The following ZNF804A variants were observed in gnomAD, a reference collection of about 807,000 sequenced individuals.
ZNF804A encodes the protein zinc finger protein 804A.
ZNF804A carries 2 observed loss-of-function variants against 16.5 expected under a neutral mutation model. The ratio of observed to expected loss-of-function variants is 0.12; its 90% confidence interval spans 0.05 to 0.38. The LOEUF (loss-of-function observed/expected upper bound fraction) is 0.38, where lower values mean the gene tolerates loss of function less well. Ranked by LOEUF, ZNF804A falls within the 10% of genes least tolerant of loss-of-function variation. ZNF804A has a pLI of 0.99. For missense variants in ZNF804A, 1,473 were observed against 1,390.7 expected, an observed-to-expected ratio of 1.06 and a Z score of -0.94; for synonymous variants, 534 against 489.6, an observed-to-expected ratio of 1.09 and a Z score of -1.20.
chr2:184,844,638 C>G (rs1315297451), intron 1 of ZNF804A, among the ~76,000 whole-genome samples: 1 of 150,538 alleles, frequency 6.6e-6, no homozygotes, highest in Non-Finnish European at 1.5e-5. Context: ...AAATTCAAGA[C>G]TTTTCTCTTG....
chr2:184,598,831 C>G lies in ZNF804A; in HGVS notation c.-129C>G, dbSNP rs1690995602. 2 of 490,212 alleles carry G rather than the reference C, an allele frequency of 4.1e-6. No homozygotes were observed. Among genetic ancestry groups the G allele is most frequent in the Non-Finnish European group, 6.9e-6 (2 of 289,456 alleles). 30.4% of individuals were successfully genotyped at this position (490,212 alleles called of 1,614,324 possible). ...GTGCAGTGAGCCAGTCTCCAGAGGA[C>G]GTGCCGGGGGTGGCTGCGTGCCCTC... On this transcript the variant is annotated 5_prime_UTR_variant, in exon 1 of 4. Coordinates refer to ENST00000302277, the MANE Select transcript of ZNF804A (RefSeq NM_194250.2).
At chr2:184,815,484 ATAG>A (rs548226082) in intron 1 of ZNF804A, among the ~76,000 whole-genome samples, 86 of 151,964 alleles carry the variant, frequency 5.7e-4, no homozygotes, top group Non-Finnish European at 1.1e-3. Context: ...TTATAATAAA[ATAG>A]TAGTAAAATA....
chr2:184,629,741 T>C (rs1691574345), intron 1 of ZNF804A, among the ~76,000 whole-genome samples: 1 of 152,178 alleles, frequency 6.6e-6, no homozygotes, highest in African/African-American at 2.4e-5. Context: ...CAAATAACTG[T>C]ACTGAATATT....
intron 2 of ZNF804A, among the ~76,000 whole-genome samples, chr2:184,887,347 G>A (rs527930820): frequency 6.6e-6 from 1 of 152,320 alleles, no homozygotes; most frequent in East Asian, 1.9e-4. Flanking sequence ...CAAGCCTCAA[G>A]GAAGTTCCAA....
intron 1 of ZNF804A, among the ~76,000 whole-genome samples, chr2:184,702,888 C>A (rs1692944667): frequency 6.6e-6 from 1 of 152,020 alleles, no homozygotes; most frequent in African/African-American, 2.4e-5. Flanking sequence ...TAAGTAATGG[C>A]AGTTTTGTTC....
At chr2:184,822,633 AT>A (rs1045932776) in intron 1 of ZNF804A, among the ~76,000 whole-genome samples, 1 of 151,964 alleles carries the variant, frequency 6.6e-6, no homozygotes, top group African/African-American at 2.4e-5. Flanking sequence ...TTTTGAGCAG[AT>A]TTTTTTTGAG....
chr2:184,781,499 C>A (rs1173398802), intron 1 of ZNF804A, among the ~76,000 whole-genome samples: 5 of 151,672 alleles, frequency 3.3e-5, no homozygotes. Flanking sequence ...TTGATAATAA[C>A]ACAATGGTTT....
chr2:184,599,765 A>G (rs928729897), intron 1 of ZNF804A, among the ~76,000 whole-genome samples: 1 of 152,242 alleles, frequency 6.6e-6, no homozygotes, highest in African/African-American at 2.4e-5. Context: ...ACTGGATCAC[A>G]GAGCTTCATT....
intron 1 of ZNF804A, among the ~76,000 whole-genome samples, chr2:184,789,391 T>C (rs1694497819): frequency 6.6e-6 from 1 of 152,152 alleles, no homozygotes; most frequent in Non-Finnish European, 1.5e-5. Context: ...TTTTTCGGAA[T>C]AGTTTCAGTA....
chr2:184,845,987 A>G (rs1695508539), intron 1 of ZNF804A, among the ~76,000 whole-genome samples: 1 of 152,104 alleles, frequency 6.6e-6, no homozygotes, highest in East Asian at 1.9e-4. Context: ...GGATTTTAAG[A>G]TGGTATTTTA....
rs547216326 is a variant in ZNF804A, at chr2:184,938,968, T to G, written c.3572T>G (p.Leu1191Arg). Residue 1191 changes from leucine to arginine, a missense_variant, in exon 4 of 4, where the codon CTC becomes CGC. Leu to Arg is a moderately radical substitution (Grantham distance 102). Transcript: ENST00000302277. ...GCTTTCCCATCTTTACCCCATGCAC[T>G]CTTTCCTTCACTGCTTTCCCCACAC... Reference protein sequence around the residue: ...HLAFPSLPHALFPSLLSPHPT... With the variant: ...HLAFPSLPHARFPSLLSPHPT... 3 of 1,613,848 alleles carry G rather than the reference T, an allele frequency of 1.9e-6. No homozygotes were observed. In the South Asian group the frequency reaches 3.3e-5, roughly 18 times the overall value.
At chr2:184,677,043 C>T (rs1692448213) in intron 1 of ZNF804A, among the ~76,000 whole-genome samples, 2 of 151,202 alleles carry the variant, frequency 1.3e-5, no homozygotes, top group South Asian at 4.2e-4. Context: ...GAACATTGTA[C>T]TAAAGCAGTA....
chr2:184,769,931 C>G (rs956890467), intron 1 of ZNF804A, among the ~76,000 whole-genome samples: 1 of 151,800 alleles, frequency 6.6e-6, no homozygotes, highest in Non-Finnish European at 1.5e-5. Flanking sequence ...TCTGTTATTG[C>G]AAAACTAGAG....
At chr2:184,725,650 C>A (rs928742101) in intron 1 of ZNF804A, among the ~76,000 whole-genome samples, 2 of 151,460 alleles carry the variant, frequency 1.3e-5, no homozygotes, top group African/African-American at 2.4e-5. Flanking sequence ...AGAAAATAAC[C>A]AAGATGTAAA....
chr2:184,772,971 GTA>G (rs149878573), intron 1 of ZNF804A, among the ~76,000 whole-genome samples: 46,797 of 141,512 alleles, frequency 0.33, 10,726 homozygotes, highest in African/African-American at 0.66. Flanking sequence ...ACATATATAT[GTA>G]TATATATATG....
At chr2:184,918,585 A>C (rs2105835555) in intron 2 of ZNF804A, among the ~76,000 whole-genome samples, 1 of 152,288 alleles carries the variant, frequency 6.6e-6, no homozygotes, top group South Asian at 2.1e-4. Flanking sequence ...GCTGGAGTTG[A>C]AACTGAATTT....
At position 184,796,155 on chromosome 2, in the gene ZNF804A, C is replaced by G. The variant is rs116225102; in HGVS notation, c.112-70214C>G. 1.4e-3 allele frequency among the ~76,000 whole-genome samples: 218 copies of G among 152,136 alleles called. 1 individual carries two copies. The highest frequency in any genetic ancestry group is 4.7e-3 in the African/African-American group (197 of 41,534). On this transcript the variant is annotated intron_variant, in intron 1 of 3. Transcript: ENST00000302277. Reference sequence around the variant, plus strand: ...TAAGGATTTTAGTATCTGTGTTCATCAAGGCTATCGGTCTGTAGTTTCCTT... The same window carrying G: ...TAAGGATTTTAGTATCTGTGTTCATGAAGGCTATCGGTCTGTAGTTTCCTT...
chr2:184,784,344 A>C (rs1231393138), intron 1 of ZNF804A, among the ~76,000 whole-genome samples: 2 of 151,956 alleles, frequency 1.3e-5, no homozygotes. Flanking sequence ...AATACCTGCC[A>C]TCCCATATTT....
At chr2:184,880,266 T>G (rs148727481) in intron 2 of ZNF804A, among the ~76,000 whole-genome samples, 58 of 152,228 alleles carry the variant, frequency 3.8e-4, no homozygotes, top group African/African-American at 1.4e-3. Context: ...GAGTAAGTTA[T>G]GCTGGAAAAG....
Sources: allele counts gnomAD v4.1 joint callset (sites outside exome capture counted in the v4.1 genomes callset), GRCh38; gene constraint gnomAD v4.1.1; transcripts MANE v1.5; gene names NCBI Gene and HGNC (gene_info 2026-07-23, HGNC 2026-07-21).